SCARA5: variants seen among roughly 807,000 people sequenced by gnomAD.
SCARA5 encodes scavenger receptor class A, member 5 (putative).
SCARA5 carries 45 observed loss-of-function variants against 46.3 expected under a neutral mutation model. The observed-to-expected ratio is 0.97, with a 90% confidence interval of 0.76 to 1.24. The LOEUF (loss-of-function observed/expected upper bound fraction) is 1.24. SCARA5 is among the 50% of genes most tolerant of loss of function. SCARA5 has a pLI of 0.00. For missense variants in SCARA5, 680 were observed against 689.0 expected (o/e 0.99, Z 0.15); for synonymous variants, 333 against 306.5 (o/e 1.09, Z -0.90).
chr8:27,878,523 A>G (rs1806759811), intron 8 of SCARA5, among the ~76,000 whole-genome samples: 1 of 152,170 alleles, frequency 6.6e-6, no homozygotes, highest in Admixed American at 6.5e-5. Context: ...CTCTTGTGCT[A>G]TCTGTAGGAG....
intron 3 of SCARA5, among the ~76,000 whole-genome samples, chr8:27,946,092 G>A (rs374063267): frequency 3.6e-4 from 55 of 152,334 alleles, no homozygotes; most frequent in African/African-American, 1.3e-3. Flanking sequence ...CTACAGCAGT[G>A]AGAAATTTAT....
intron 5 of SCARA5, among the ~76,000 whole-genome samples, chr8:27,908,667 A>G (rs1323624592): frequency 1.3e-5 from 2 of 152,094 alleles, no homozygotes; most frequent in African/African-American, 4.8e-5. Context: ...CCAGAGTCCA[A>G]CAGCTCCACT....
intron 2 of SCARA5, among the ~76,000 whole-genome samples, chr8:27,973,067 T>C (rs1326534288): frequency 6.6e-6 from 1 of 152,196 alleles, no homozygotes; most frequent in Non-Finnish European, 1.5e-5. Context: ...AGCAAACACA[T>C]GTGAACAGTT....
intron 7 of SCARA5, among the ~76,000 whole-genome samples, chr8:27,883,515 C>T (rs192168510): frequency 2.0e-5 from 3 of 152,302 alleles, no homozygotes; most frequent in Non-Finnish European, 4.4e-5. Context: ...CCAGATTCCA[C>T]GGCCAATCCA....
intron 3 of SCARA5, among the ~76,000 whole-genome samples, chr8:27,953,735 G>A (rs903419372): frequency 3.9e-5 from 6 of 152,370 alleles, no homozygotes; most frequent in African/African-American, 1.4e-4. Flanking sequence ...ACCCTGGGGT[G>A]TGCCCCTGAC....
intron 3 of SCARA5, among the ~76,000 whole-genome samples, chr8:27,951,283 G>A (rs965349226): frequency 1.3e-5 from 2 of 152,224 alleles, no homozygotes; most frequent in African/African-American, 2.4e-5. Flanking sequence ...GACAAGAGCT[G>A]TGCTGAGTGG....
At chr8:27,930,276 TG>T (rs1250234606) in intron 3 of SCARA5, among the ~76,000 whole-genome samples, 2 of 152,210 alleles carry the variant, frequency 1.3e-5, no homozygotes, top group African/African-American at 4.8e-5. Flanking sequence ...TCACGAGATC[TG>T]ATGGTTTTAT....
At chr8:27,904,930 G>A in intron 6 of SCARA5, 96 bp from the exon 7 acceptor site, 1 of 1,126,942 alleles carries the variant, frequency 8.9e-7, no homozygotes, top group Non-Finnish European at 1.3e-6. Context: ...CGAGACCAGA[G>A]AAACCCTCAG....
chr8:27,872,968 C>T (rs974291557), intron 8 of SCARA5, among the ~76,000 whole-genome samples: 12 of 152,208 alleles, frequency 7.9e-5, no homozygotes, highest in Admixed American at 3.9e-4. Flanking sequence ...GTCAACACTG[C>T]GGTGGCGGGG....
At chr8:27,914,938 G>C (rs1284270208) in intron 4 of SCARA5, among the ~76,000 whole-genome samples, 2 of 152,180 alleles carry the variant, frequency 1.3e-5, no homozygotes, top group Non-Finnish European at 2.9e-5. Context: ...CCTGATCCCA[G>C]AACACATGAC....
intron 3 of SCARA5, among the ~76,000 whole-genome samples, chr8:27,931,252 C>T (rs1273400410): frequency 2.6e-5 from 4 of 152,162 alleles, no homozygotes; most frequent in Non-Finnish European, 4.4e-5. Flanking sequence ...TCACACGGGG[C>T]CCCATGCTGG....
At position 27,952,588 on chromosome 8, in the gene SCARA5, G is replaced by A. The variant is rs1808145679; in HGVS notation, c.241+13826C>T. On this transcript the variant is annotated intron_variant, in intron 3 of 8. Coordinates refer to ENST00000354914, the MANE Select transcript of SCARA5 (RefSeq NM_173833.6). ...CAGCAAGACCTTCCTGTGGGCCTGA[G>A]AGTGACAAGCCATGCAGAGAGGCAG... Among the ~76,000 whole-genome samples, 3 of 152,202 alleles carry A rather than the reference G, an allele frequency of 2.0e-5. No homozygotes were observed. The South Asian group carries it at 6.2e-4, about 32-fold the overall frequency.
At chr8:27,939,362 C>T (rs190495077) in intron 3 of SCARA5, among the ~76,000 whole-genome samples, 10 of 152,290 alleles carry the variant, frequency 6.6e-5, no homozygotes, top group Non-Finnish European at 1.2e-4. Flanking sequence ...GCTGTGTTCA[C>T]GTGGTGTGGA....
At position 27,936,203 on chromosome 8, in the gene SCARA5, C is replaced by T. The variant is rs139250947; in HGVS notation, c.242-13958G>A. Among the ~76,000 whole-genome samples the T allele has an allele frequency of 2.3e-4, 35 of 152,206 alleles. No individual in the cohort carries two copies. The East Asian group carries it at 6.4e-3, about 28-fold the overall frequency. ...CAAGTGCCATCTGGAGACTCATCCG[C>T]TGGGGGCTCTAGGGCAACATGGTTG... On this transcript the variant is annotated intron_variant, in intron 3 of 8. Coordinates refer to ENST00000354914, the MANE Select transcript of SCARA5 (RefSeq NM_173833.6).
In SCARA5 at chr8:27,945,315, CAT is replaced by C. The variant is rs202216482; in HGVS notation, c.241+21097_241+21098del. On this transcript the variant is annotated intron_variant, in intron 3 of 8. Coordinates refer to ENST00000354914, the MANE Select transcript of SCARA5 (RefSeq NM_173833.6). Reference sequence around the variant, plus strand: ...GTGGCAGGCATGTCACACACTGACTCATAGACTGCATCCTGCCAAACTCAAAC... The same window carrying C: ...GTGGCAGGCATGTCACACACTGACTCAGACTGCATCCTGCCAAACTCAAAC... Among the ~76,000 whole-genome samples, 1,328 of 152,288 alleles carry C rather than the reference CAT, an allele frequency of 8.7e-3. 53 individuals are homozygous for C. The highest frequency in any genetic ancestry group is 0.078 in the Admixed American group (1,200 of 15,298).
intron 5 of SCARA5, among the ~76,000 whole-genome samples, 165 bp from the exon 6 acceptor site, chr8:27,907,411 G>A (rs1350075284): frequency 2.0e-5 from 3 of 152,060 alleles, no homozygotes; most frequent in African/African-American, 7.2e-5. Flanking sequence ...CAGAGTCAAA[G>A]AGGTCCACAT....
chr8:27,991,158 A>G (rs1319807310), intron 1 of SCARA5, among the ~76,000 whole-genome samples: 1 of 152,196 alleles, frequency 6.6e-6, no homozygotes, highest in East Asian at 1.9e-4. Flanking sequence ...ACTTGGCTCA[A>G]TTACCTGACC....
rs144977060 is a variant in SCARA5, at chr8:27,907,572, C to CTTTTTTTTTTTTTTTTTTTT, written c.998-346_998-327dup. Among the ~76,000 whole-genome samples, 164 of 97,256 alleles carry CTTTTTTTTTTTTTTTTTTTT rather than the reference C, an allele frequency of 1.7e-3. 11 individuals carry two copies. The highest frequency in any genetic ancestry group is 7.5e-3 in the East Asian group (19 of 2,530). 63.8% of individuals were successfully genotyped at this position (97,256 alleles called of 152,430 possible). On this transcript the variant is annotated intron_variant, in intron 5 of 8. Coordinates refer to ENST00000354914, the MANE Select transcript of SCARA5 (RefSeq NM_173833.6). ...GCTGGAGACTTAGAATCAGCAAACA[C>CTTTTTTTTTTTTTTTTTTTT]TTTTTTTTTTTTTTTTTTTTGAGAC...
chr8:27,986,900 T>C (rs1209370336), intron 2 of SCARA5, among the ~76,000 whole-genome samples: 1 of 152,230 alleles, frequency 6.6e-6, no homozygotes, highest in Non-Finnish European at 1.5e-5. Context: ...ATCTACTGGG[T>C]GCACAGGAGC....
Sources: gnomAD v4.1 joint callset for allele counts (sites outside exome capture counted in the v4.1 genomes callset) on GRCh38, gnomAD v4.1.1 for gene constraint, MANE v1.5 for transcripts, NCBI Gene and HGNC (gene_info 2026-07-23, HGNC 2026-07-21) for gene names.